STARD13: variants seen among roughly 807,000 people sequenced by gnomAD.
The protein encoded by STARD13 is stAR-related lipid transfer protein 13.
A neutral mutation model predicts 106.4 loss-of-function variants in STARD13; 62 were observed. The observed-to-expected ratio is 0.58, with a 90% CI of 0.48 to 0.72. The LOEUF (loss-of-function observed/expected upper bound fraction) is 0.72, where lower values mean the gene tolerates loss of function less well. Among genes scored for constraint, STARD13 ranks in the 30% least tolerant of loss-of-function variants. STARD13 has a pLI of 0.00. For synonymous variants in STARD13, 565 were observed against 553.0 expected (o/e 1.02, Z -0.31); for missense variants, 1,387 against 1,424.0 (o/e 0.97, Z 0.42).
At chr13:33,161,414 A>C (rs2138336771) in intron 3 of STARD13, among the ~76,000 whole-genome samples, 1 of 152,136 alleles carries the variant, frequency 6.6e-6, no homozygotes, top group Non-Finnish European at 1.5e-5. Context: ...TCTTGGGCTC[A>C]AGTGATCCTC....
At chr13:33,442,381 C>T in the STARD13 span, among the ~76,000 whole-genome samples, 1 of 152,112 alleles carries the variant, frequency 6.6e-6, no homozygotes, top group Admixed American at 6.6e-5. Flanking sequence ...ATCCTTGGCA[C>T]AATAACTGAA....
chr13:33,448,714 T>G, the STARD13 span, among the ~76,000 whole-genome samples: 1 of 152,306 alleles, frequency 6.6e-6, no homozygotes, highest in Admixed American at 6.5e-5. Context: ...TAATTTACAT[T>G]TCCCCTACCA....
chr13:33,608,883 T>G, the STARD13 span, among the ~76,000 whole-genome samples: 1 of 151,938 alleles, frequency 6.6e-6, no homozygotes, highest in Non-Finnish European at 1.5e-5. Context: ...TCAGGAGATC[T>G]AGACCATCCT....
At chr13:33,609,105 A>AAAAAAAAAAAAAAAAAACAAAAG in the STARD13 span, among the ~76,000 whole-genome samples, 1 of 133,168 alleles carries the variant, frequency 7.5e-6, no homozygotes, top group African/African-American at 3.3e-5. Flanking sequence ...AAAAAAAAAA[A>AAAAAAAAAAAAAAAAAACAAAAG]AAATATTGAT....
chr13:33,415,235 G>T, the STARD13 span, among the ~76,000 whole-genome samples: 1 of 152,154 alleles, frequency 6.6e-6, no homozygotes, highest in African/African-American at 2.4e-5. Context: ...GGGCGTGGTG[G>T]CGGGCGCCTG....
At chr13:33,127,346 C>A (rs1037117417) in intron 6 of STARD13, 27 bp downstream of exon 6, 2 of 1,530,000 alleles carry the variant, frequency 1.3e-6, no homozygotes, top group Non-Finnish European at 1.8e-6. Context: ...AGCCAAGGAT[C>A]CCCTCCTAGG....
At chr13:33,200,183 C>T (rs533775371) in intron 1 of STARD13, among the ~76,000 whole-genome samples, 53 of 152,224 alleles carry the variant, frequency 3.5e-4, no homozygotes, top group Non-Finnish European at 6.9e-4. Flanking sequence ...GCTGACACAG[C>T]TCATGCCCTT....
chr13:33,654,004 G>C, the STARD13 span, among the ~76,000 whole-genome samples: 1 of 152,126 alleles, frequency 6.6e-6, no homozygotes. Context: ...AACTAGAATG[G>C]TTATCATAAA....
chr13:33,567,089 A>G, the STARD13 span, among the ~76,000 whole-genome samples: 1 of 148,250 alleles, frequency 6.7e-6, no homozygotes, highest in African/African-American at 2.5e-5. Context: ...TTGAAGCTTC[A>G]CTTGGTCCTG....
chr13:33,500,128 G>T, the STARD13 span, among the ~76,000 whole-genome samples: 13 of 152,058 alleles, frequency 8.5e-5, no homozygotes, highest in East Asian at 1.9e-3. Context: ...CCTCCCAAAA[G>T]CCCCACCTCC....
chr13:33,330,068 G>A (rs373564890), intron 1 of STARD13, among the ~76,000 whole-genome samples: 4 of 152,108 alleles, frequency 2.6e-5, no homozygotes, highest in East Asian at 1.9e-4. Context: ...GTTGACTATC[G>A]TGTAAAATGC....
intron 4 of STARD13, among the ~76,000 whole-genome samples, chr13:33,132,076 G>A (rs1878371916): frequency 6.6e-6 from 1 of 152,130 alleles, no homozygotes; most frequent in Non-Finnish European, 1.5e-5. Context: ...TCCTATTCTT[G>A]TTTATTCCTT....
At chr13:33,469,039 A>G in the STARD13 span, among the ~76,000 whole-genome samples, 4 of 152,338 alleles carry the variant, frequency 2.6e-5, no homozygotes, top group East Asian at 7.7e-4. Context: ...TAGTTGTGTT[A>G]TTGTATATTT....
chr13:33,131,556 C>T (rs1011716075), intron 4 of STARD13, among the ~76,000 whole-genome samples: 10 of 152,042 alleles, frequency 6.6e-5, no homozygotes, highest in South Asian at 2.1e-4. Context: ...GCACCCCAGC[C>T]GCAGCAACAA....
chr13:33,479,109 C>T, the STARD13 span, among the ~76,000 whole-genome samples: 2 of 152,072 alleles, frequency 1.3e-5, no homozygotes, highest in Non-Finnish European at 2.9e-5. Context: ...GATCACAATG[C>T]AAATGGCATT....
intron 1 of STARD13, among the ~76,000 whole-genome samples, chr13:33,252,298 G>A (rs1890129572): frequency 6.6e-6 from 1 of 152,194 alleles, no homozygotes. Flanking sequence ...ACATGGTGAG[G>A]CTGGGATGGC....
intron 1 of STARD13, among the ~76,000 whole-genome samples, chr13:33,321,879 C>T (rs1336217712): frequency 1.3e-5 from 2 of 152,186 alleles, no homozygotes; most frequent in Non-Finnish European, 2.9e-5. Context: ...ACTCAGTTTG[C>T]AGAGCATTCA....
At chr13:33,608,142 A>G in the STARD13 span, among the ~76,000 whole-genome samples, 1 of 152,182 alleles carries the variant, frequency 6.6e-6, no homozygotes, top group South Asian at 2.1e-4. Context: ...CCAGGCCTCA[A>G]GTTATCTTTC....
chr13:33,519,225 T>C, the STARD13 span, among the ~76,000 whole-genome samples: 1 of 144,996 alleles, frequency 6.9e-6, no homozygotes, highest in African/African-American at 2.6e-5. Flanking sequence ...TCTTTCTTTC[T>C]TTCTTTCTTT....
Sources: gnomAD v4.1 joint callset for allele counts (sites outside exome capture counted in the v4.1 genomes callset) on GRCh38, gnomAD v4.1.1 for gene constraint, MANE v1.5 for transcripts, NCBI Gene and HGNC (gene_info 2026-07-23, HGNC 2026-07-21) for gene names.